KIR3DL3: variants seen among roughly 807,000 people sequenced by gnomAD.
KIR3DL3 encodes killer cell immunoglobulin like receptor, three Ig domains and long cytoplasmic tail 3.
In KIR3DL3, 27 loss-of-function variants were observed where a neutral mutation model predicts 34.9. The ratio of observed to expected loss-of-function variants is 0.77; its 90% CI spans 0.57 to 1.07. The LOEUF (loss-of-function observed/expected upper bound fraction) is 1.07. Ranked by LOEUF, KIR3DL3 falls within the 50% of genes least tolerant of loss-of-function variation. The pLI is 0.00. For missense variants in KIR3DL3, 681 were observed against 528.5 expected, an observed-to-expected ratio of 1.29 and a Z score of -2.83; for synonymous variants, 217 against 200.2, an observed-to-expected ratio of 1.08 and a Z score of -0.71.
rs2075731 is a variant in KIR3DL3, at chr19:54,726,150, T to C, written c.168T>C (p.Asn56=). Residue 56 remains asparagine, a synonymous_variant, in exon 3 of 8, where the codon AAT becomes AAC. Coordinates refer to ENST00000291860, the MANE Select transcript of KIR3DL3 (RefSeq NM_153443.5). ...TLQCRSRLGF[N]EFSLSKEDGM... is the part of the protein sequence containing the mutation. Reference sequence around the variant, plus strand: ...AGTGTCGCTCTCGTCTTGGGTTTAATGAATTCAGTCTGTCCAAAGAAGACG... The same window carrying C: ...AGTGTCGCTCTCGTCTTGGGTTTAACGAATTCAGTCTGTCCAAAGAAGACG... The C allele has an allele frequency of 0.63, 1,018,772 of 1,606,986 alleles. 325,181 individuals are homozygous for C. Among genetic ancestry groups the C allele is most frequent in the Admixed American group, 0.71 (42,189 of 59,452 alleles).
chr19:54,731,395 C>T (rs765275027), intron 5 of KIR3DL3, among the ~76,000 whole-genome samples: 1 of 151,338 alleles, frequency 6.6e-6, no homozygotes, highest in Non-Finnish European at 1.5e-5. Flanking sequence ...CCAGATGCAA[C>T]CCTGGTTGAC....
intron 5 of KIR3DL3, among the ~76,000 whole-genome samples, chr19:54,732,764 A>G (rs2068959421): frequency 6.6e-6 from 1 of 152,228 alleles, no homozygotes; most frequent in Admixed American, 6.5e-5. Context: ...CTCTGCCTCA[A>G]ATGCTGGGAA....
At chr19:54,732,285 C>T (rs201899476) in intron 5 of KIR3DL3, among the ~76,000 whole-genome samples, 9,276 of 149,892 alleles carry the variant, frequency 0.062, 880 homozygotes, top group East Asian at 0.49. Flanking sequence ...GAGTCTCTCT[C>T]TGTTCCACAG....
intron 4 of KIR3DL3, among the ~76,000 whole-genome samples, chr19:54,728,836 T>C (rs1481232638): frequency 4.1e-5 from 6 of 147,768 alleles, no homozygotes; most frequent in Non-Finnish European, 1.5e-5. Flanking sequence ...GAGAGACAGA[T>C]GATAGATGGA....
chr19:54,730,155 G>A (rs1334394853), intron 5 of KIR3DL3, among the ~76,000 whole-genome samples: 3 of 151,990 alleles, frequency 2.0e-5, no homozygotes, highest in East Asian at 1.9e-4. Flanking sequence ...CACCAGCAAC[G>A]CCTACACCCT....
At chr19:54,728,919 A>G (rs1442823354) in intron 4 of KIR3DL3, among the ~76,000 whole-genome samples, 1 of 149,842 alleles carries the variant, frequency 6.7e-6, no homozygotes, top group Non-Finnish European at 1.5e-5. Context: ...AGACAAATAG[A>G]TGATGAATGA....
intron 5 of KIR3DL3, among the ~76,000 whole-genome samples, chr19:54,734,379 G>A (rs1250280250): frequency 6.6e-6 from 1 of 150,538 alleles, no homozygotes; most frequent in African/African-American, 2.5e-5. Context: ...AGCAGCGAGT[G>A]ACAACAGAAA....
At chr19:54,729,362 T>TG in intron 4 of KIR3DL3, 131 bp from the exon 5 acceptor site, 1 of 1,040,836 alleles carries the variant, frequency 9.6e-7, no homozygotes, top group Non-Finnish European at 1.4e-6. Context: ...TGAAGAGAGA[T>TG]GGGGGTGGAG....
rs2146757631 is a variant in KIR3DL3 at position 54,726,312 on chromosome 19, C to G, written c.330C>G (p.Ser110Arg). 2.4e-5 allele frequency: 39 copies of G among 1,613,840 alleles called. 1 individual carries two copies. In the South Asian group the frequency reaches 3.5e-4, roughly 15 times the overall value. ...CCCCCACTGGGTGGTCGGCACCCAG[C>G]AACCCTGTGGTGATCATGGTCACAG... The part of the protein sequence containing the change: ...PHSPTGWSAP[S>R]NPVVIMVTGV... Residue 110 changes from serine to arginine, a missense_variant, in exon 3 of 8, where the codon AGC becomes AGG. Physicochemically the swap from Ser to Arg is moderately radical, Grantham distance 110. Coordinates refer to ENST00000291860, the MANE Select transcript of KIR3DL3 (RefSeq NM_153443.5).
At chr19:54,733,858 T>G (rs558142447) in intron 5 of KIR3DL3, among the ~76,000 whole-genome samples, 1 of 152,140 alleles carries the variant, frequency 6.6e-6, no homozygotes, top group Non-Finnish European at 1.5e-5. Context: ...AGGTAAACAC[T>G]AATACTCTTT....
chr19:54,727,527 G>A, intron 3 of KIR3DL3, 84 bp from the exon 4 acceptor site: 1 of 1,296,164 alleles, frequency 7.7e-7, no homozygotes, highest in Non-Finnish European at 1.1e-6. Flanking sequence ...TAGACACCAT[G>A]GAGGGGAAGC....
In KIR3DL3 at chr19:54,725,270, T is replaced by A. The variant is rs1368128362; in HGVS notation, c.58T>A (p.Trp20Arg). The stretch of plus-strand genomic sequence containing the variant: ...AGGGTTCTTCTTGCTGGAGGGGCCC[T>A]GGCCACATGTGGGTGAGTCCTTCCC... ...CVGFFLLEGP[W>R]PHVGGQDKPF... Residue 20 changes from tryptophan (W) to arginine (R), a missense_variant, in exon 2 of 8, where the codon TGG becomes AGG. Coordinates refer to ENST00000291860, the MANE Select transcript of KIR3DL3 (RefSeq NM_153443.5). 2 of 1,592,486 alleles carry A rather than the reference T, an allele frequency of 1.3e-6. No homozygotes were observed. Among genetic ancestry groups the A allele is most frequent in the Non-Finnish European group, 1.7e-6 (2 of 1,168,130 alleles).
Position 54,736,012 on chromosome 19 carries a change from G to C in KIR3DL3, c.1149G>C (p.Gln383His). The C allele has an allele frequency of 6.3e-7, 1 of 1,598,232 alleles. No homozygotes were observed. Among genetic ancestry groups the C allele is most frequent in the Non-Finnish European group, 8.5e-7 (1 of 1,171,886 alleles). The stretch of plus-strand genomic sequence containing the variant: ...ACCCTCAGGAGGTGACATACGCACA[G>C]TTGAATCACTGCGTTTTCACACAGA... ...EQDPQEVTYAQLNHCVFTQRK... is the reference protein window; with the variant it reads ...EQDPQEVTYAHLNHCVFTQRK... The change falls in exon 8 of 8, where the codon CAG becomes CAC. Residue 383 changes from glutamine (Q) to histidine (H), a missense_variant. By Grantham distance (24) the Gln-to-His change is conservative. Transcript: ENST00000291860.
intron 5 of KIR3DL3, among the ~76,000 whole-genome samples, chr19:54,731,203 G>A (rs775483394): frequency 8.4e-4 from 128 of 151,966 alleles, no homozygotes; most frequent in African/African-American, 2.7e-3. Flanking sequence ...ACAGAGTTTC[G>A]CTATATTGGC....
chr19:54,729,899 A>G, intron 5 of KIR3DL3, 113 bp downstream of exon 5: 1 of 988,786 alleles, frequency 1.0e-6, no homozygotes, highest in Non-Finnish European at 1.5e-6. Flanking sequence ...AACACACAGC[A>G]TGGGTGTAAG....
chr19:54,729,739 C>G lies in KIR3DL3; in HGVS notation c.902C>G (p.Pro301Arg), dbSNP rs1805217249. The G allele has an allele frequency of 6.3e-6, 10 of 1,588,946 alleles. No homozygotes were observed. The Admixed American group carries it at 1.4e-4, about 23-fold the overall frequency. The change falls in exon 5 of 8, where the codon CCC (proline) becomes CGC (arginine). Residue 301 changes from proline to arginine, a missense_variant. Coordinates refer to ENST00000291860, the MANE Select transcript of KIR3DL3 (RefSeq NM_153443.5). Reference sequence around the variant, plus strand: ...TGCTTCGGCTCTTTCCGTGCCCTGCCCCATGCGTGGTCAGACCCGAGTGAC... The same window carrying G: ...TGCTTCGGCTCTTTCCGTGCCCTGCGCCATGCGTGGTCAGACCCGAGTGAC... Reference protein sequence around the residue: ...YRCFGSFRALPHAWSDPSDPL... With the variant: ...YRCFGSFRALRHAWSDPSDPL...
intron 3 of KIR3DL3, among the ~76,000 whole-genome samples, chr19:54,726,586 G>A (rs1290050939): frequency 6.9e-6 from 1 of 144,674 alleles, no homozygotes; most frequent in African/African-American, 2.5e-5. Context: ...ATGGAGCTCA[G>A]GTTGTTGATG....
rs375293550 is a variant in KIR3DL3 at position 54,733,894 on chromosome 19, G to C, written c.950-1359G>C. 7.3e-3 allele frequency among the ~76,000 whole-genome samples: 1,111 copies of C among 152,220 alleles called. 10 individuals are homozygous for C. Among genetic ancestry groups the C allele is most frequent in the African/African-American group, 0.023 (975 of 41,526 alleles). ...GGAGTGAGCTCAGATCTTGGACTCA[G>C]AGACCAGTGCCAGCACTAGCCCCTG... is the stretch of plus-strand genomic sequence containing the variant. On this transcript the variant is annotated intron_variant, in intron 5 of 7. Transcript: ENST00000291860.
Position 54,727,884 on chromosome 19 carries a change from GTGACCCTC to G in KIR3DL3, c.632_639del (p.Asp211GlyfsTer38). On this transcript the variant is annotated frameshift_variant, in exon 4 of 8. Coordinates refer to ENST00000291860, the MANE Select transcript of KIR3DL3 (RefSeq NM_153443.5). LOFTEE classifies it high-confidence loss of function. ...TTACCCTATGAGTTGTCGGCTCCCA[GTGACCCTC>G]TGGACATCGTGGTCGTAGGTGAGAG... The G allele has an allele frequency of 6.2e-7, 1 of 1,613,004 alleles. No homozygotes were observed. The highest frequency in any genetic ancestry group is 8.5e-7 in the Non-Finnish European group (1 of 1,179,174).
Sources: allele counts gnomAD v4.1 joint callset (sites outside exome capture counted in the v4.1 genomes callset), GRCh38; gene constraint gnomAD v4.1.1; transcripts MANE v1.5; gene names NCBI Gene and HGNC (gene_info 2026-07-23, HGNC 2026-07-21).